The following MTMR3 variants were observed in gnomAD, a reference collection of about 807,000 sequenced individuals.
MTMR3 encodes the protein myotubularin related protein 3.
A neutral mutation model predicts 132.4 loss-of-function variants in MTMR3; 32 were observed. That is an observed-to-expected ratio of 0.24 (90% confidence interval 0.18 to 0.32). MTMR3 has a LOEUF of 0.32. Among genes scored for constraint, MTMR3 ranks in the 10% least tolerant of loss-of-function variants. The pLI is 1.00. For missense variants in MTMR3, 1,216 were observed against 1,489.6 expected, an observed-to-expected ratio of 0.82 and a Z score of 3.02; for synonymous variants, 556 against 550.3, an observed-to-expected ratio of 1.01 and a Z score of -0.14.
intron 1 of MTMR3, among the ~76,000 whole-genome samples, chr22:29,952,046 G>A (rs76113237): frequency 0.078 from 11,832 of 151,890 alleles, 539 homozygotes; most frequent in African/African-American, 0.092. Flanking sequence ...GTGCCACCAC[G>A]CCCAGCTAAT....
rs1400992371 is a variant in MTMR3, at chr22:30,029,380, T to A, written c.*3579T>A. The A allele has an allele frequency of 1.3e-5, 2 of 152,358 alleles. No individual in the cohort carries two copies. Among genetic ancestry groups the A allele is most frequent in the African/African-American group, 4.8e-5 (2 of 41,464 alleles). The allele number at this position is 152,358 out of a possible 1,614,324, so 9.4% of individuals were successfully genotyped here. A position where few individuals can be genotyped will look rare whatever the true frequency, so the allele number is the denominator to read the frequency against. Reference sequence around the variant, plus strand: ...GAGGATGTACAGAAAAGTTTTCCTGTAATAATTTTGCTTATATGCTAACTC... The same window carrying A: ...GAGGATGTACAGAAAAGTTTTCCTGAAATAATTTTGCTTATATGCTAACTC... On this transcript the variant is annotated 3_prime_UTR_variant, in exon 20 of 20. Coordinates refer to ENST00000401950, the MANE Select transcript of MTMR3 (RefSeq NM_021090.4).
At chr22:29,995,366 G>C (rs1296954381) in intron 7 of MTMR3, 1 of 152,194 alleles carries the variant, frequency 6.6e-6, no homozygotes, top group Non-Finnish European at 1.5e-5. Context: ...CACCTGCCAG[G>C]TAAAGGCCTG....
intron 1 of MTMR3, among the ~76,000 whole-genome samples, chr22:29,939,151 A>C (rs1158836992): frequency 6.6e-6 from 1 of 152,204 alleles, no homozygotes; most frequent in Non-Finnish European, 1.5e-5. Context: ...ATTGTGCTGC[A>C]TAATTGTATA....
intron 2 of MTMR3, among the ~76,000 whole-genome samples, chr22:29,961,617 T>C (rs894576382): frequency 1.3e-5 from 2 of 151,902 alleles, no homozygotes; most frequent in African/African-American, 4.8e-5. Context: ...CCTAGTGGAG[T>C]TGTAGTTGTC....
chr22:29,934,391 T>C (rs2065708088), intron 1 of MTMR3, among the ~76,000 whole-genome samples: 1 of 152,266 alleles, frequency 6.6e-6, no homozygotes, highest in African/African-American at 2.4e-5. Context: ...ACATTAAAGA[T>C]GTTAGCACGC....
At chr22:29,932,050 G>T (rs2065657452) in intron 1 of MTMR3, among the ~76,000 whole-genome samples, 1 of 152,060 alleles carries the variant, frequency 6.6e-6, no homozygotes, top group South Asian at 2.1e-4. Context: ...GGATTATAAG[G>T]ACAGGTTATA....
chr22:29,905,747 C>A (rs916691150), intron 1 of MTMR3, among the ~76,000 whole-genome samples: 2 of 152,098 alleles, frequency 1.3e-5, no homozygotes, highest in African/African-American at 4.8e-5. Context: ...TTTGAACTTG[C>A]ATCTTTTATT....
At chr22:30,000,986 A>G (rs867880870) in intron 8 of MTMR3, 1 of 152,232 alleles carries the variant, frequency 6.6e-6, no homozygotes, top group Admixed American at 6.5e-5. Flanking sequence ...ATAATCCCCA[A>G]TTCGGCTTTT....
chr22:29,960,526 A>G (rs2066290066), intron 2 of MTMR3, among the ~76,000 whole-genome samples: 1 of 152,266 alleles, frequency 6.6e-6, no homozygotes, highest in African/African-American at 2.4e-5. Context: ...TCTGTAATGA[A>G]ACATTTAATG....
Position 30,027,484 on chromosome 22 carries a change from G to T in MTMR3, c.*1683G>T, listed in dbSNP as rs1392533033. On this transcript the variant is annotated 3_prime_UTR_variant, in exon 20 of 20. Transcript: ENST00000401950. ...ACACAGTTTGAACGTGGTGAAACAG[G>T]GTGTAGTTCTTTTCCACATTCTGTG... 6.5e-6 allele frequency: 1 copy of T among 152,756 alleles called. No homozygotes were observed. Among genetic ancestry groups the T allele is most frequent in the Non-Finnish European group, 1.5e-5 (1 of 68,034 alleles). 9.5% of individuals were successfully genotyped at this position (152,756 alleles called of 1,614,324 possible).
chr22:30,022,705 T>TGA lies in MTMR3; in HGVS notation c.3425+10_3425+11dup, dbSNP rs1425586634. The TGA allele has an allele frequency of 6.2e-7, 1 of 1,602,906 alleles. No individual in the cohort carries two copies. The highest frequency in any genetic ancestry group is 8.5e-7 in the Non-Finnish European group (1 of 1,177,922). ...CAGGAAGCACCACTGCAGGTACCAT[T>TGA]GAGGGGCTGTGGTAGGGTGGGCTGT... On this transcript the variant is annotated intron_variant, in intron 19 of 19. Transcript: ENST00000401950.
At chr22:29,987,054 C>CT (rs1240131808) in intron 5 of MTMR3, 3 of 152,156 alleles carry the variant, frequency 2.0e-5, no homozygotes, top group African/African-American at 7.2e-5. Context: ...ATTTCTTAGT[C>CT]TTTTTCTGAC....
intron 1 of MTMR3, among the ~76,000 whole-genome samples, chr22:29,951,338 C>T (rs1569020974): frequency 2.0e-5 from 3 of 152,102 alleles, no homozygotes; most frequent in Non-Finnish European, 4.4e-5. Flanking sequence ...CCCCTACCCC[C>T]TATCTCTTGT....
In MTMR3 at chr22:30,029,080, G is replaced by A. The variant is rs1185354565; in HGVS notation, c.*3279G>A. The A allele has an allele frequency of 6.6e-6, 1 of 152,382 alleles. No homozygotes were observed. Among genetic ancestry groups the A allele is most frequent in the Non-Finnish European group, 1.5e-5 (1 of 68,076 alleles). 9.4% of individuals were successfully genotyped at this position (152,382 alleles called of 1,614,324 possible). A position where few individuals can be genotyped will look rare whatever the true frequency, so the allele number is the denominator to read the frequency against. On this transcript the variant is annotated 3_prime_UTR_variant, in exon 20 of 20. Coordinates refer to ENST00000401950, the MANE Select transcript of MTMR3 (RefSeq NM_021090.4). Reference sequence around the variant, plus strand: ...GAAGAGCCAAGATGCTGGTGAAGCAGGTGCAGTGAGGATCCAAGGCAAGGA... The same window carrying A: ...GAAGAGCCAAGATGCTGGTGAAGCAAGTGCAGTGAGGATCCAAGGCAAGGA...
At chr22:29,961,563 TG>T (rs2066312748) in intron 2 of MTMR3, among the ~76,000 whole-genome samples, 1 of 152,168 alleles carries the variant, frequency 6.6e-6, no homozygotes, top group Admixed American at 6.5e-5. Context: ...CAAGATACGA[TG>T]GTAGCCTCAT....
intron 5 of MTMR3, chr22:29,983,641 T>C (rs1047397502): frequency 6.6e-6 from 1 of 152,198 alleles, no homozygotes; most frequent in Non-Finnish European, 1.5e-5. Flanking sequence ...AGTGGGTTTT[T>C]GGTGGTTGTT....
rs541636154 is a variant in MTMR3 at position 29,916,718 on chromosome 22, A to C, written c.-138+33359A>C. ...AGGTTTGCATGATAAAGGCTATTAT[A>C]GCCTACTTCATAAATTAATACATTG... On this transcript the variant is annotated intron_variant, in intron 1 of 19. Coordinates refer to ENST00000401950, the MANE Select transcript of MTMR3 (RefSeq NM_021090.4). Among the ~76,000 whole-genome samples the C allele has an allele frequency of 8.5e-5, 13 of 152,366 alleles. No homozygotes were observed. In the South Asian group the frequency reaches 2.5e-3, roughly 29 times the overall value.
intron 2 of MTMR3, among the ~76,000 whole-genome samples, chr22:29,960,171 T>A (rs1048573100): frequency 6.6e-6 from 1 of 152,048 alleles, no homozygotes; most frequent in Non-Finnish European, 1.5e-5. Context: ...GTGCCCCAGA[T>A]TAAAGGAGAC....
chr22:30,008,692 C>A, intron 11 of MTMR3: 2 of 222,712 alleles, frequency 9.0e-6, no homozygotes, highest in South Asian at 8.3e-5. Context: ...GATTTCAAAG[C>A]CACAAGTTAG....
Sources: allele counts gnomAD v4.1 joint callset (sites outside exome capture counted in the v4.1 genomes callset), GRCh38; gene constraint gnomAD v4.1.1; transcripts MANE v1.5; gene names NCBI Gene and HGNC (gene_info 2026-07-23, HGNC 2026-07-21).